Variants in FGD5 observed in about 807,000 individuals in gnomAD.
FGD5 encodes FYVE, RhoGEF and PH domain containing 5, also known as FYVE, RhoGEF and PH domain-containing protein 5.
FGD5 carries 28 observed loss-of-function variants against 133.4 expected under a neutral mutation model. The ratio of observed to expected loss-of-function variants is 0.21; its 90% CI spans 0.16 to 0.29. The LOEUF is 0.29. Ranked by LOEUF, FGD5 falls within the 10% of genes least tolerant of loss-of-function variation. The pLI is 1.00. For missense variants in FGD5, 1,858 were observed against 1,895.2 expected, an observed-to-expected ratio of 0.98 and a Z score of 0.36; for synonymous variants, 810 against 776.5, an observed-to-expected ratio of 1.04 and a Z score of -0.72.
rs779356618 is a variant in FGD5 at position 14,880,601 on chromosome 3, C to T, written c.2688C>T (p.Ile896=). 1.2e-5 allele frequency: 19 copies of T among 1,613,946 alleles called. No homozygotes were observed. Among genetic ancestry groups the T allele is most frequent in the Middle Eastern group, 3.3e-4 (2 of 6,062 alleles). Residue 896 remains isoleucine (I), a synonymous_variant, in exon 3 of 20, where the codon ATC becomes ATT. Transcript: ENST00000285046. ...AAGGACAGTCCAGAGCCCTTGTCAT[C>T]GCACAGGAACTGCTATCTTCAGAGA... The part of the protein sequence containing the change: ...KVEGQSRALV[I]AQELLSSEKA...
At chr3:14,887,294 T>C (rs998418510) in intron 4 of FGD5, among the ~76,000 whole-genome samples, 4 of 152,296 alleles carry the variant, frequency 2.6e-5, no homozygotes, top group African/African-American at 9.6e-5. Flanking sequence ...TTGTGATGCC[T>C]GGTACACAGC....
intron 1 of FGD5, among the ~76,000 whole-genome samples, chr3:14,851,662 A>T (rs1689527): frequency 0.037 from 5,608 of 152,108 alleles, 204 homozygotes; most frequent in East Asian, 0.15. Context: ...CTTGAATGTT[A>T]CCTCTTTATG....
In FGD5 at chr3:14,819,327, A is replaced by C. The variant is rs1422523904; in HGVS notation, c.256A>C (p.Asn86His). ...DEPKDEGSVG[N>H]KALVSPESSA... is the part of the protein sequence containing the mutation. ...ACCCAAGGACGAGGGCAGTGTGGGGAACAAAGCCCTGGTGTCTCCCGAGTC... is the reference window on the plus strand; with the variant it reads ...ACCCAAGGACGAGGGCAGTGTGGGGCACAAAGCCCTGGTGTCTCCCGAGTC... The change falls in exon 1 of 20, where the codon AAC becomes CAC. Residue 86 changes from asparagine (N) to histidine (H), a missense_variant. This residue lies in a region of FGD5 where 1,824 missense variants were observed against 1,848.9 expected (regional missense o/e 0.99). Transcript: ENST00000285046. The surrounding 1 kb of genome is among the most constrained non-coding windows in gnomAD (Gnocchi z 4.1). 2 of 1,541,706 alleles carry C rather than the reference A, an allele frequency of 1.3e-6. No homozygotes were observed. Among genetic ancestry groups the C allele is most frequent in the East Asian group, 4.9e-5 (2 of 40,858 alleles).
intron 4 of FGD5, among the ~76,000 whole-genome samples, chr3:14,889,944 TG>T (rs2037994138): frequency 6.6e-6 from 1 of 152,196 alleles, no homozygotes; most frequent in South Asian, 2.1e-4. Flanking sequence ...CCTTCACATC[TG>T]GGGATTACGC....
intron 13 of FGD5, among the ~76,000 whole-genome samples, chr3:14,920,892 G>A (rs1003148536): frequency 2.0e-5 from 3 of 152,234 alleles, no homozygotes; most frequent in Non-Finnish European, 2.9e-5. Flanking sequence ...AAACCCAAAG[G>A]AGGGACTGCC....
chr3:14,898,224 C>T lies in FGD5; in HGVS notation c.3066+129C>T, dbSNP rs2038173381. On this transcript the variant is annotated intron_variant, in intron 6 of 19. Coordinates refer to ENST00000285046, the MANE Select transcript of FGD5 (RefSeq NM_152536.4). ...GGGGAGCAGACAGGGAAGACCTGGC[C>T]AGAGGGATGAGAGGATGACCCATCA... The T allele has an allele frequency of 2.4e-6, 3 of 1,230,708 alleles. No homozygotes were observed. The Admixed American group carries it at 5.9e-5, about 24-fold the overall frequency. The allele number at this position is 1,230,708 out of a possible 1,614,324, so 76.2% of individuals were successfully genotyped here. A position where few individuals can be genotyped will look rare whatever the true frequency, so the allele number is the denominator to read the frequency against.
At chr3:14,924,954 G>T in intron 17 of FGD5, among the ~76,000 whole-genome samples, 1 of 151,894 alleles carries the variant, frequency 6.6e-6, no homozygotes, top group Admixed American at 6.6e-5. Context: ...ACAAAAATCA[G>T]CCGGGTGTGG....
chr3:14,922,593 G>GGGGGAA lies in FGD5; in HGVS notation c.3807+49_3807+54dup. 1 of 1,545,718 alleles carries GGGGGAA rather than the reference G, an allele frequency of 6.5e-7. No homozygotes were observed. Among genetic ancestry groups the GGGGGAA allele is most frequent in the Non-Finnish European group, 8.7e-7 (1 of 1,148,512 alleles). On this transcript the variant is annotated intron_variant, in intron 15 of 19. Transcript: ENST00000285046. The surrounding 1 kb of genome is among the most constrained non-coding windows in gnomAD (Gnocchi z 4.1). ...GTGAGTGTGTGCATGGGGGTGGGGT[G>GGGGGAA]GGGGAAGGGCATGTCCCTGCCCAGC...
intron 1 of FGD5, among the ~76,000 whole-genome samples, chr3:14,850,647 A>G (rs1296158259): frequency 1.2e-4 from 19 of 152,232 alleles, no homozygotes; most frequent in Admixed American, 1.2e-3. Context: ...TAGCAAGCCC[A>G]TGACTGCTAC....
At chr3:14,817,483 A>G (rs118069529), upstream of FGD5, among the ~76,000 whole-genome samples, 468 of 152,334 alleles carry the variant, frequency 3.1e-3, 2 homozygotes, top group South Asian at 0.021. Flanking sequence ...TGTGTGAGCC[A>G]CTGCACCCAG....
chr3:14,890,159 G>C (rs937311286), intron 4 of FGD5, among the ~76,000 whole-genome samples: 2 of 152,098 alleles, frequency 1.3e-5, no homozygotes, highest in Non-Finnish European at 2.9e-5. Flanking sequence ...TCCGCCTCAG[G>C]ACCTTTGCAC....
upstream of FGD5, among the ~76,000 whole-genome samples, chr3:14,817,658 T>C (rs144745236): frequency 4.7e-3 from 710 of 152,354 alleles, 10 homozygotes; most frequent in African/African-American, 0.016. Context: ...AAGAGTTTGC[T>C]GGCAGAGATC....
At chr3:14,810,769 C>G, upstream of FGD5, 1 of 976,840 alleles carries the variant, frequency 1.0e-6, no homozygotes, top group Non-Finnish European at 1.2e-6. Context: ...GGGGCGGCCG[C>G]GGAGGGAGGC....
intron 18 of FGD5, among the ~76,000 whole-genome samples, chr3:14,928,892 A>G (rs1490353913): frequency 6.6e-6 from 1 of 152,110 alleles, no homozygotes; most frequent in Non-Finnish European, 1.5e-5. Flanking sequence ...AATATACTTA[A>G]CCCTATGAAT....
intron 11 of FGD5, among the ~76,000 whole-genome samples, chr3:14,916,179 G>A (rs892245975): frequency 6.6e-6 from 1 of 152,234 alleles, no homozygotes; most frequent in African/African-American, 2.4e-5. Context: ...CATTCTCTCT[G>A]TGTCCACGAT....
In FGD5 at chr3:14,864,207, A is replaced by C; in HGVS notation, c.2605A>C (p.Arg869=). Residue 869 remains arginine (R), a synonymous_variant, in exon 2 of 20, where the codon AGA becomes CGA. Coordinates refer to ENST00000285046, the MANE Select transcript of FGD5 (RefSeq NM_152536.4). ...KEDLTSDEEQ[R]SSEEEDSASR... is the part of the protein sequence containing the mutation. The stretch of plus-strand genomic sequence containing the variant: ...GGACCTTACGTCGGATGAAGAGCAG[A>C]GAAGCTCGGAGGAGGAGGACAGTGC... The C allele has an allele frequency of 6.2e-7, 1 of 1,614,038 alleles. No individual in the cohort carries two copies. The highest frequency in any genetic ancestry group is 8.5e-7 in the Non-Finnish European group (1 of 1,179,894).
chr3:14,909,572 G>A (rs2038406397), intron 10 of FGD5, among the ~76,000 whole-genome samples: 1 of 152,166 alleles, frequency 6.6e-6, no homozygotes, highest in African/African-American at 2.4e-5. Context: ...GTTAAAAACT[G>A]TGATGGGTCA....
At chr3:14,861,044 AT>A (rs1374806144) in intron 1 of FGD5, among the ~76,000 whole-genome samples, 24 of 152,338 alleles carry the variant, frequency 1.6e-4, no homozygotes, top group Non-Finnish European at 1.9e-4. Flanking sequence ...CACAGGTATT[AT>A]CACTTAGGAT....
rs372788718 is a variant in FGD5, at chr3:14,898,797, G to A, written c.3125G>A (p.Arg1042His). Residue 1042 changes from arginine (R) to histidine (H), a missense_variant, in exon 7 of 20, where the codon CGC (arginine) becomes CAC (histidine). Around this residue, in one of 3 missense-constraint regions of FGD5, gnomAD observed 1,824 missense variants for 1,848.9 expected, o/e 0.99. Coordinates refer to ENST00000285046, the MANE Select transcript of FGD5 (RefSeq NM_152536.4). ...AKHRLLRVVQ[R>H]LFQYQVLLTD... ...CATCGGCTGCTGCGGGTGGTTCAAC[G>A]CCTCTTCCAGTACCAAGTGCTCCTC... The A allele has an allele frequency of 5.1e-6, 8 of 1,580,678 alleles. No individual in the cohort carries two copies. Among genetic ancestry groups the A allele is most frequent in the Non-Finnish European group, 6.9e-6 (8 of 1,164,378 alleles).
Sources: gnomAD v4.1 joint callset for allele counts (sites outside exome capture counted in the v4.1 genomes callset) on GRCh38, gnomAD v4.1.1 for gene constraint, gnomAD v4.1.1 regional missense constraint, Gnocchi (gnomAD v3.1) non-coding constraint, MANE v1.5 for transcripts, NCBI Gene and HGNC (gene_info 2026-07-23, HGNC 2026-07-21) for gene names.